Variants in PROX1 observed in about 807,000 individuals in gnomAD.
PROX1 encodes the protein prospero homeobox protein 1.
In PROX1, 7 loss-of-function variants were observed where a neutral mutation model predicts 58.8. That is an observed-to-expected ratio of 0.12 (90% CI 0.07 to 0.22). The LOEUF (loss-of-function observed/expected upper bound fraction) is 0.22. Among genes scored for constraint, PROX1 ranks in the 10% least tolerant of loss-of-function variants. The pLI, the probability that PROX1 is intolerant of heterozygous loss-of-function variation, is 1.00. For synonymous variants in PROX1, 350 were observed against 358.3 expected, an observed-to-expected ratio of 0.98 and a Z score of 0.26; for missense variants, 675 against 927.8, an observed-to-expected ratio of 0.73 and a Z score of 3.54.
intron 4 of PROX1, among the ~76,000 whole-genome samples, chr1:214,016,549 G>A (rs908139163): frequency 6.6e-6 from 1 of 152,170 alleles, no homozygotes; most frequent in Admixed American, 6.5e-5. Context: ...GGGTGGCGAG[G>A]AGGAAAAGAA....
chr1:214,035,981 C>T lies in PROX1; in HGVS notation c.*147C>T, dbSNP rs571838165. On this transcript the variant is annotated 3_prime_UTR_variant, in exon 5 of 5. Coordinates refer to ENST00000366958, the MANE Select transcript of PROX1 (RefSeq NM_001270616.2). ...ATCAGCTGGTAATTCCTCCTCATCACGTTTCTCTCATTTTCTTTTGTTTTC... is the reference window on the plus strand; with the variant it reads ...ATCAGCTGGTAATTCCTCCTCATCATGTTTCTCTCATTTTCTTTTGTTTTC... 4.9e-6 allele frequency: 3 copies of T among 617,900 alleles called. No individual in the cohort carries two copies. The highest frequency in any genetic ancestry group is 3.3e-5 in the East Asian group (1 of 29,954). The allele number at this position is 617,900 out of a possible 1,614,324, so 38.3% of individuals were successfully genotyped here. A position where few individuals can be genotyped will look rare whatever the true frequency, so the allele number is the denominator to read the frequency against.
rs189203361 is a variant in PROX1, at chr1:214,040,675, T to C, written c.*4841T>C. 2.5e-4 allele frequency: 38 copies of C among 152,274 alleles called. 1 individual carries two copies. The highest frequency in any genetic ancestry group is 5.5e-4 in the African/African-American group (23 of 41,578). 9.4% of individuals were successfully genotyped at this position (152,274 alleles called of 1,614,324 possible). A position where few individuals can be genotyped will look rare whatever the true frequency, so the allele number is the denominator to read the frequency against. On this transcript the variant is annotated 3_prime_UTR_variant, in exon 5 of 5. Transcript: ENST00000366958. Reference sequence around the variant, plus strand: ...ATTTAGCAATATGTTGTAAATAGCATTATTAAGCTCTTTTTTGTAATAAAG... The same window carrying C: ...ATTTAGCAATATGTTGTAAATAGCACTATTAAGCTCTTTTTTGTAATAAAG...
Position 214,039,178 on chromosome 1 carries a change from T to TTTG in PROX1, c.*3347_*3349dup, listed in dbSNP as rs1204845111. On this transcript the variant is annotated 3_prime_UTR_variant, in exon 5 of 5. Coordinates refer to ENST00000366958, the MANE Select transcript of PROX1 (RefSeq NM_001270616.2). Reference sequence around the variant, plus strand: ...TAGATTTAAGAACCTATTTTAGACATTTGTTATGTTTTGTGAAAAGAATGT... The same window carrying TTTG: ...TAGATTTAAGAACCTATTTTAGACATTTGTTGTTATGTTTTGTGAAAAGAATGT... 1.3e-5 allele frequency: 2 copies of TTTG among 152,180 alleles called. No homozygotes were observed. The highest frequency in any genetic ancestry group is 4.8e-5 in the African/African-American group (2 of 41,448). The allele number at this position is 152,180 out of a possible 1,614,324, so 9.4% of individuals were successfully genotyped here.
At chr1:214,008,027 T>C (rs1037789113) in intron 3 of PROX1, among the ~76,000 whole-genome samples, 11 of 151,166 alleles carry the variant, frequency 7.3e-5, no homozygotes, top group African/African-American at 2.7e-4. Context: ...TAAAATGTAC[T>C]CTTTCAAATA....
intron 4 of PROX1, among the ~76,000 whole-genome samples, chr1:214,018,347 G>A (rs901394249): frequency 2.0e-5 from 3 of 152,150 alleles, no homozygotes; most frequent in Non-Finnish European, 4.4e-5. Context: ...ATGAAGCGTA[G>A]ACGTTTAATA....
chr1:214,035,916 T>C lies in PROX1; in HGVS notation c.*82T>C. 1 of 1,275,110 alleles carries C rather than the reference T, an allele frequency of 7.8e-7. No individual in the cohort carries two copies. The allele number at this position is 1,275,110 out of a possible 1,614,324, so 79.0% of individuals were successfully genotyped here. A position where few individuals can be genotyped will look rare whatever the true frequency, so the allele number is the denominator to read the frequency against. ...AAGTTATATGTGTCTAGATTTTGAT[T>C]TCATATATATGTGTATGGGAGGCAT... On this transcript the variant is annotated 3_prime_UTR_variant, in exon 5 of 5. Coordinates refer to ENST00000366958, the MANE Select transcript of PROX1 (RefSeq NM_001270616.2).
intron 3 of PROX1, among the ~76,000 whole-genome samples, chr1:214,006,508 G>C (rs1663718759): frequency 1.3e-5 from 2 of 152,198 alleles, no homozygotes; most frequent in African/African-American, 4.8e-5. Flanking sequence ...GGGAGGCAGG[G>C]AAAGTCCATC....
intron 2 of PROX1, 93 bp downstream of exon 2, chr1:213,998,353 G>T (rs1571805180): frequency 7.3e-7 from 1 of 1,364,266 alleles, no homozygotes; most frequent in Non-Finnish European, 9.8e-7. Flanking sequence ...ATGTAGATTA[G>T]TATCTTCTTA....
intron 4 of PROX1, among the ~76,000 whole-genome samples, chr1:214,024,479 A>G (rs1443767672): frequency 6.6e-6 from 1 of 152,148 alleles, no homozygotes; most frequent in East Asian, 1.9e-4. Flanking sequence ...AGCATCCCCC[A>G]TGAACTTGTG....
At chr1:214,022,996 T>C (rs1448043356) in intron 4 of PROX1, among the ~76,000 whole-genome samples, 2 of 152,212 alleles carry the variant, frequency 1.3e-5, no homozygotes, top group African/African-American at 4.8e-5. Flanking sequence ...ATCTCCAGGG[T>C]GCCCATTTTC....
rs1663336342 is a variant in PROX1, at chr1:213,997,860, T to A, written c.1325T>A (p.Val442Asp). ...STDQTEALPL[V>D]VRKNSSDQSA... ...GACCAGACAGAAGCACTGCCCCTGG[T>A]TGTCCGCAAAAACTCCTCTGACCAG... is the stretch of plus-strand genomic sequence containing the variant. Residue 442 changes from valine to aspartate, a missense_variant, in exon 2 of 5, where the codon GTT becomes GAT. Coordinates refer to ENST00000366958, the MANE Select transcript of PROX1 (RefSeq NM_001270616.2). The surrounding 1 kb of genome is among the most constrained non-coding windows in gnomAD (Gnocchi z 7.1). 6.2e-7 allele frequency: 1 copy of A among 1,613,422 alleles called. No individual in the cohort carries two copies. The highest frequency in any genetic ancestry group is 8.5e-7 in the Non-Finnish European group (1 of 1,179,674).
intron 4 of PROX1, among the ~76,000 whole-genome samples, chr1:214,018,744 A>G (rs1330522750): frequency 6.6e-6 from 1 of 152,220 alleles, no homozygotes; most frequent in Non-Finnish European, 1.5e-5. Context: ...TGTGTCTCTT[A>G]TAGCAGTTTC....
At chr1:214,000,779 A>C (rs1663479272) in intron 2 of PROX1, among the ~76,000 whole-genome samples, 1 of 152,272 alleles carries the variant, frequency 6.6e-6, no homozygotes, top group East Asian at 1.9e-4. Flanking sequence ...GATTGGGCCC[A>C]CTTTTCTCCT....
rs1663311589 is a variant in PROX1 at position 213,997,401 on chromosome 1, A to G, written c.866A>G (p.Gln289Arg). The G allele has an allele frequency of 1.9e-6, 3 of 1,614,014 alleles. No individual in the cohort carries two copies. Among genetic ancestry groups the G allele is most frequent in the Admixed American group, 3.3e-5 (2 of 60,000 alleles). Residue 289 changes from glutamine (Q) to arginine (R), a missense_variant, in exon 2 of 5, where the codon CAG becomes CGG. Physicochemically the swap from Gln to Arg is conservative, Grantham distance 43. Transcript: ENST00000366958. This position sits in a 1 kb window ranked among gnomAD's most constrained non-coding sequence, Gnocchi z 7.1. ...MRSEILDARAQDSVGRSDNEM... is the reference protein window; with the variant it reads ...MRSEILDARARDSVGRSDNEM... The stretch of plus-strand genomic sequence containing the variant: ...TCGGAGATCCTGGATGCCAGGGCCC[A>G]GGACTCTGTCGGAAGGTCAGATAAT...
chr1:214,000,924 C>T (rs191172590), intron 2 of PROX1, among the ~76,000 whole-genome samples: 164 of 152,188 alleles, frequency 1.1e-3, no homozygotes, highest in Non-Finnish European at 2.0e-3. Flanking sequence ...TTTAGGGATA[C>T]GGGGCCATAT....
In PROX1 at chr1:213,998,173, C is replaced by T. The variant is rs1281642490; in HGVS notation, c.1638C>T (p.Thr546=). 1.2e-6 allele frequency: 2 copies of T among 1,613,860 alleles called. No homozygotes were observed. The highest frequency in any genetic ancestry group is 8.5e-7 in the Non-Finnish European group (1 of 1,179,862). The change falls in exon 2 of 5, where the codon ACC becomes ACT. Residue 546 remains threonine (T), a synonymous_variant. Coordinates refer to ENST00000366958, the MANE Select transcript of PROX1 (RefSeq NM_001270616.2). The stretch of plus-strand genomic sequence containing the variant: ...GTTCACCAGCACACCCGCCCAGCAC[C>T]GCCGAAGGGCTCTCCTTGTCGCTCA... The part of the protein sequence containing the change: ...HPCSPAHPPS[T]AEGLSLSLIK...
At chr1:213,984,194 C>G (rs1662769730), upstream of PROX1, 1 of 152,186 alleles carries the variant, frequency 6.6e-6, no homozygotes, top group Admixed American at 6.5e-5. Flanking sequence ...TGACAACCTC[C>G]TCATCCCCGC....
In PROX1 at chr1:214,027,747, G is replaced by A. The variant is rs971091277; in HGVS notation, c.2029-7902G>A. ...ATTTGACAAAGTGGCACTCTGGCCA[G>A]TTTATCTTGCAATATGGCTTTAGCT... On this transcript the variant is annotated intron_variant, in intron 4 of 4. Coordinates refer to ENST00000366958, the MANE Select transcript of PROX1 (RefSeq NM_001270616.2). Among the ~76,000 whole-genome samples, 4 of 152,188 alleles carry A rather than the reference G, an allele frequency of 2.6e-5. No homozygotes were observed. The South Asian group carries it at 8.3e-4, about 32-fold the overall frequency.
chr1:214,021,191 G>C (rs540837303), intron 4 of PROX1, among the ~76,000 whole-genome samples: 5 of 152,156 alleles, frequency 3.3e-5, no homozygotes, highest in Admixed American at 2.6e-4. Flanking sequence ...CACCATTATG[G>C]TTTTATCACC....
Sources: allele counts gnomAD v4.1 joint callset (sites outside exome capture counted in the v4.1 genomes callset), GRCh38; gene constraint gnomAD v4.1.1; non-coding constraint Gnocchi (gnomAD v3.1); transcripts MANE v1.5; gene names NCBI Gene and HGNC (gene_info 2026-07-23, HGNC 2026-07-21).